The following ATG10 variants were observed in gnomAD, a reference collection of about 807,000 sequenced individuals.
ATG10 encodes the protein autophagy related 10.
ATG10 carries 30 observed loss-of-function variants against 32.1 expected under a neutral mutation model. The observed-to-expected ratio is 0.94, with a 90% CI of 0.70 to 1.27. ATG10 has a LOEUF of 1.27. ATG10 is among the 50% of genes most tolerant of loss of function. The probability of loss-of-function intolerance (pLI) is 0.00; values close to 1 mark genes in which losing one functional copy is unlikely to be tolerated. For missense variants in ATG10, 233 were observed against 262.3 expected (o/e 0.89, Z 0.77); for synonymous variants, 87 against 91.5 (o/e 0.95, Z 0.28).
intron 5 of ATG10, among the ~76,000 whole-genome samples, chr5:82,219,014 G>A (rs1207000389): frequency 7.2e-5 from 11 of 152,212 alleles, no homozygotes; most frequent in East Asian, 1.9e-4. Flanking sequence ...CTAAGGAACC[G>A]TCGCTAATGC....
intron 2 of ATG10, among the ~76,000 whole-genome samples, chr5:82,001,639 C>T (rs1409800393): frequency 2.6e-5 from 4 of 152,078 alleles, no homozygotes; most frequent in Non-Finnish European, 4.4e-5. Context: ...TATAAAAAAT[C>T]GACTCAAGAT....
intron 5 of ATG10, among the ~76,000 whole-genome samples, chr5:82,202,101 T>C (rs931461054): frequency 7.9e-5 from 12 of 152,142 alleles, no homozygotes; most frequent in Admixed American, 2.6e-4. Context: ...ACCTTTCTCC[T>C]TTTTTCTTGC....
intron 3 of ATG10, among the ~76,000 whole-genome samples, chr5:82,109,756 A>G (rs551722372): frequency 4.6e-5 from 7 of 151,138 alleles, no homozygotes; most frequent in South Asian, 2.1e-4. Context: ...CTTTCCCCCC[A>G]TTGATCTGCT....
intron 3 of ATG10, among the ~76,000 whole-genome samples, chr5:82,078,186 C>T (rs1764341618): frequency 6.6e-6 from 1 of 152,092 alleles, no homozygotes; most frequent in South Asian, 2.1e-4. Flanking sequence ...ATGGTTAGTT[C>T]CCCTCTTTTT....
At chr5:82,134,912 G>A (rs1379117182) in intron 3 of ATG10, among the ~76,000 whole-genome samples, 1 of 133,210 alleles carries the variant, frequency 7.5e-6, no homozygotes, top group Non-Finnish European at 1.6e-5. Flanking sequence ...ACTTGTTATT[G>A]GTCTATTCAG....
intron 4 of ATG10, among the ~76,000 whole-genome samples, chr5:82,167,234 T>C (rs1304765898): frequency 1.3e-5 from 2 of 152,210 alleles, no homozygotes; most frequent in East Asian, 1.9e-4. Flanking sequence ...CAATTTGTAC[T>C]ATAGCAGAAA....
chr5:82,160,266 A>G (rs1039904731), intron 3 of ATG10, among the ~76,000 whole-genome samples: 5 of 152,234 alleles, frequency 3.3e-5, no homozygotes, highest in Non-Finnish European at 5.9e-5. Context: ...TATAAGTGGA[A>G]TCATACGGTA....
rs894338355 is a variant in ATG10 at position 82,255,841 on chromosome 5, T to A, written c.*1778T>A. 2 of 152,134 alleles carry A rather than the reference T, an allele frequency of 1.3e-5. No homozygotes were observed. Among genetic ancestry groups the A allele is most frequent in the African/African-American group, 4.8e-5 (2 of 41,426 alleles). 9.4% of individuals were successfully genotyped at this position (152,134 alleles called of 1,614,324 possible). A position where few individuals can be genotyped will look rare whatever the true frequency, so the allele number is the denominator to read the frequency against. Reference sequence around the variant, plus strand: ...ACCGTGACAGCACCCTCAGTCCACGTCTGCAGATTAAGAGCTGAACTCTCA... The same window carrying A: ...ACCGTGACAGCACCCTCAGTCCACGACTGCAGATTAAGAGCTGAACTCTCA... On this transcript the variant is annotated 3_prime_UTR_variant, in exon 8 of 8. Coordinates refer to ENST00000282185, the MANE Select transcript of ATG10 (RefSeq NM_031482.5).
chr5:82,056,432 T>TG (rs1561276621), intron 2 of ATG10, among the ~76,000 whole-genome samples: 2 of 149,942 alleles, frequency 1.3e-5, no homozygotes, highest in Non-Finnish European at 3.0e-5. Context: ...CTGCCAGGTT[T>TG]TTTTTTTTTT....
At chr5:82,226,761 T>G (rs1665363962) in intron 5 of ATG10, among the ~76,000 whole-genome samples, 1 of 152,344 alleles carries the variant, frequency 6.6e-6, no homozygotes, top group Admixed American at 6.5e-5. Flanking sequence ...GAGCATTTTA[T>G]GCATAGCACT....
At position 82,098,392 on chromosome 5, in the gene ATG10, A is replaced by G. The variant is rs189515576; in HGVS notation, c.216+39790A>G. Among the ~76,000 whole-genome samples, 11 of 148,770 alleles carry G rather than the reference A, an allele frequency of 7.4e-5. No individual in the cohort carries two copies. The East Asian group carries it at 2.2e-3, about 29-fold the overall frequency. ...AGTGGTGCTATCTCAGCTCACTGCA[A>G]CCTCCGCCTCCTGGGTTCAAGCAGT... On this transcript the variant is annotated intron_variant, in intron 3 of 7. Coordinates refer to ENST00000282185, the MANE Select transcript of ATG10 (RefSeq NM_031482.5).
At chr5:82,022,968 CA>C (rs1762486827) in intron 2 of ATG10, among the ~76,000 whole-genome samples, 1 of 151,102 alleles carries the variant, frequency 6.6e-6, no homozygotes, top group African/African-American at 2.4e-5. Context: ...ATGTAGCCAA[CA>C]CAATGGATCT....
intron 2 of ATG10, among the ~76,000 whole-genome samples, chr5:82,041,089 C>T (rs1432257170): frequency 6.6e-6 from 1 of 152,136 alleles, no homozygotes; most frequent in Non-Finnish European, 1.5e-5. Flanking sequence ...CTATTTTAAT[C>T]TTCAGTGCAC....
rs536832517 is a variant in ATG10 at position 82,206,605 on chromosome 5, G to A, written c.453+28018G>A. Among the ~76,000 whole-genome samples, 176 of 149,908 alleles carry A rather than the reference G, an allele frequency of 1.2e-3. 1 individual carries two copies. Among genetic ancestry groups the A allele is most frequent in the Admixed American group, 2.3e-3 (35 of 15,036 alleles). The stretch of plus-strand genomic sequence containing the variant: ...GCGGAGGTTGCAGTGAGCCGAGATC[G>A]CACCACTGCACTCCAGCCTGGGCGA... On this transcript the variant is annotated intron_variant, in intron 5 of 7. Transcript: ENST00000282185.
At chr5:82,043,028 C>T (rs1456655531) in intron 2 of ATG10, among the ~76,000 whole-genome samples, 1 of 152,188 alleles carries the variant, frequency 6.6e-6, no homozygotes, top group African/African-American at 2.4e-5. Context: ...TGTAGGGGCT[C>T]CAACCCCACA....
In ATG10 at chr5:82,200,202, A is replaced by G. The variant is rs572177015; in HGVS notation, c.453+21615A>G. ...GATAATTTTTTTTTAATGCCAGACT[A>G]TTTTGCAAAGCATTGGAAGCATTTT... On this transcript the variant is annotated intron_variant, in intron 5 of 7. Coordinates refer to ENST00000282185, the MANE Select transcript of ATG10 (RefSeq NM_031482.5). 2.4e-4 allele frequency among the ~76,000 whole-genome samples: 36 copies of G among 152,130 alleles called. No individual in the cohort carries two copies. The South Asian group carries it at 3.9e-3, about 17-fold the overall frequency.
intron 2 of ATG10, among the ~76,000 whole-genome samples, chr5:82,052,376 A>G (rs1763458871): frequency 6.6e-6 from 1 of 152,114 alleles, no homozygotes; most frequent in African/African-American, 2.4e-5. Flanking sequence ...AAATCCTTAG[A>G]TCTCCATCCA....
At chr5:82,100,292 C>A (rs1765224747) in intron 3 of ATG10, among the ~76,000 whole-genome samples, 1 of 152,096 alleles carries the variant, frequency 6.6e-6, no homozygotes, top group Non-Finnish European at 1.5e-5. Context: ...TAGGCGTGAG[C>A]CACCGCACCT....
chr5:82,132,508 T>C (rs1229501275), intron 3 of ATG10, among the ~76,000 whole-genome samples: 1 of 151,800 alleles, frequency 6.6e-6, no homozygotes, highest in African/African-American at 2.4e-5. Context: ...TGCAGTGTTT[T>C]GTTTTCAGTT....
Sources: allele counts gnomAD v4.1 joint callset (sites outside exome capture counted in the v4.1 genomes callset), GRCh38; gene constraint gnomAD v4.1.1; transcripts MANE v1.5; gene names NCBI Gene and HGNC (gene_info 2026-07-23, HGNC 2026-07-21).